HAAO: variants seen among roughly 807,000 people sequenced by gnomAD.
HAAO encodes the protein 3-hydroxyanthranilate oxygenase.
Under a neutral mutation model 46.2 loss-of-function variants are expected in HAAO, and 49 were observed. The ratio of observed to expected loss-of-function variants is 1.06; its 90% CI spans 0.84 to 1.34. The LOEUF is 1.34. Ranked by LOEUF, HAAO falls within the 40% of genes most tolerant of loss-of-function variation. HAAO has a pLI of 0.00. For synonymous variants in HAAO, 157 were observed against 145.2 expected (o/e 1.08, Z -0.58); for missense variants, 408 against 364.5 (o/e 1.12, Z -0.97).
Position 42,769,699 on chromosome 2 carries a change from C to T in HAAO, c.630+14G>A, listed in dbSNP as rs764062516. The T allele has an allele frequency of 4.4e-6, 7 of 1,597,332 alleles. No homozygotes were observed. Among genetic ancestry groups the T allele is most frequent in the South Asian group, 1.1e-5 (1 of 88,512 alleles). On this transcript the variant is annotated intron_variant, in intron 7 of 9. Transcript: ENST00000294973. ...CTGTGGGAGGATGCCCCGGATGCCC[C>T]AGGACTACATTACCTGGGTCTCATA...
intron 4 of HAAO, among the ~76,000 whole-genome samples, chr2:42,772,352 A>C (rs1238391807): frequency 1.3e-5 from 2 of 151,962 alleles, no homozygotes; most frequent in Non-Finnish European, 2.9e-5. Flanking sequence ...ATGGTGGTGC[A>C]TGTCTGTAAT....
chr2:42,777,246 T>C (rs1001612407), intron 4 of HAAO, among the ~76,000 whole-genome samples: 16 of 133,602 alleles, frequency 1.2e-4, no homozygotes, highest in African/African-American at 4.7e-4. Flanking sequence ...GAAGTCGCAG[T>C]GAGCCAAGAT....
At chr2:42,774,044 T>G (rs1490559614) in intron 4 of HAAO, among the ~76,000 whole-genome samples, 1 of 152,192 alleles carries the variant, frequency 6.6e-6, no homozygotes, top group Admixed American at 6.5e-5. Context: ...CTGCTTTGAG[T>G]CATCCTGCTT....
At position 42,767,272 on chromosome 2, in the gene HAAO, C is replaced by G. The variant is rs1207125432; in HGVS notation, c.*165G>C. The G allele has an allele frequency of 2.8e-5, 18 of 641,684 alleles. No individual in the cohort carries two copies. In the Admixed American group the frequency reaches 3.6e-4, roughly 13 times the overall value. 39.7% of individuals were successfully genotyped at this position (641,684 alleles called of 1,614,324 possible). On this transcript the variant is annotated 3_prime_UTR_variant, in exon 10 of 10. Transcript: ENST00000294973. ...TGCTGCCCGCCCAGGGGCATGGCAT[C>G]TGGGCTGAGAAGGGCAGGAGGGTGG... is the stretch of plus-strand genomic sequence containing the variant.
At position 42,770,571 on chromosome 2, in the gene HAAO, C is replaced by T. The variant is rs1443470051; in HGVS notation, c.362G>A (p.Gly121Asp). The change falls in exon 5 of 10, where the codon GGC (glycine) becomes GAC (aspartate). Residue 121 changes from glycine to aspartate, a missense_variant. Transcript: ENST00000294973. ...TELDGLRYYVGDTMDVLFEKW... is the reference protein window; with the variant it reads ...TELDGLRYYVDDTMDVLFEKW... Reference sequence around the variant, plus strand: ...CTCAAACAGAACGTCCATGGTGTCGCCCACATAGTACCTGCCAGAGCAGAG... The same window carrying T: ...CTCAAACAGAACGTCCATGGTGTCGTCCACATAGTACCTGCCAGAGCAGAG... The T allele has an allele frequency of 1.3e-6, 2 of 1,551,086 alleles. No homozygotes were observed. Among genetic ancestry groups the T allele is most frequent in the Admixed American group, 2.0e-5 (1 of 51,062 alleles).
intron 2 of HAAO, among the ~76,000 whole-genome samples, chr2:42,784,537 C>CGG (rs57368038): frequency 4.8e-5 from 3 of 62,056 alleles, no homozygotes; most frequent in East Asian, 1.7e-3. Flanking sequence ...GTGGGGGGGG[C>CGG]GGGGGGGGGG....
intron 4 of HAAO, among the ~76,000 whole-genome samples, chr2:42,777,321 A>G (rs1371738692): frequency 1.1e-4 from 16 of 149,838 alleles, no homozygotes; most frequent in East Asian, 1.9e-4. Context: ...AAAAAAAAAA[A>G]AAGAAGAAAG....
chr2:42,782,544 T>A (rs933290589), intron 4 of HAAO, among the ~76,000 whole-genome samples: 2 of 152,180 alleles, frequency 1.3e-5, no homozygotes, highest in African/African-American at 4.8e-5. Context: ...TCCAAAAGAT[T>A]TTAAAAAAGA....
chr2:42,786,820 G>A (rs531609588), intron 2 of HAAO, among the ~76,000 whole-genome samples: 1 of 152,320 alleles, frequency 6.6e-6, no homozygotes, highest in Non-Finnish European at 1.5e-5. Context: ...AGCTCAGTGA[G>A]GAGGAAAGTG....
chr2:42,767,350 T>C lies in HAAO; in HGVS notation c.*87A>G. ...GACACAGCGGCAGTACACAGAGAGG[T>C]AGTGGGGGCTGGGAGAGTTGTTTGG... On this transcript the variant is annotated 3_prime_UTR_variant, in exon 10 of 10. Transcript: ENST00000294973. 1.2e-6 allele frequency: 1 copy of C among 854,216 alleles called. No homozygotes were observed. The highest frequency in any genetic ancestry group is 1.7e-5 in the African/African-American group (1 of 60,376). 52.9% of individuals were successfully genotyped at this position (854,216 alleles called of 1,614,324 possible).
chr2:42,771,551 G>T (rs1671118701), intron 4 of HAAO, among the ~76,000 whole-genome samples: 1 of 152,088 alleles, frequency 6.6e-6, no homozygotes, highest in African/African-American at 2.4e-5. Context: ...CAAAGTTTTG[G>T]ACCTCTTTTC....
chr2:42,784,309 T>C (rs1419537822), intron 2 of HAAO, among the ~76,000 whole-genome samples: 2 of 151,892 alleles, frequency 1.3e-5, no homozygotes, highest in Non-Finnish European at 2.9e-5. Context: ...AAAACAAGGC[T>C]CAGAGGGTAA....
intron 2 of HAAO, among the ~76,000 whole-genome samples, chr2:42,784,789 A>G (rs1672271736): frequency 6.6e-6 from 1 of 152,214 alleles, no homozygotes; most frequent in Non-Finnish European, 1.5e-5. Context: ...CTAGGCACAA[A>G]TAGTCACCAC....
chr2:42,786,079 C>T (rs1320603037), intron 2 of HAAO, among the ~76,000 whole-genome samples: 2 of 134,660 alleles, frequency 1.5e-5, no homozygotes, highest in Non-Finnish European at 3.1e-5. Flanking sequence ...GTCTAGGGAC[C>T]TTTCACAGTG....
At position 42,769,745 on chromosome 2, in the gene HAAO, G is replaced by T; in HGVS notation, c.598C>A (p.Leu200Ile). ...TCATAGGTGTCCCCAAACAGGCTGA[G>T]TGGTGTGCCTGCCTGCAGCTCCCTG... Reference protein sequence around the residue: ...HHRELQAGTPLSLFGDTYETQ... With the variant: ...HHRELQAGTPISLFGDTYETQ... The change falls in exon 7 of 10, where the codon CTC (leucine) becomes ATC (isoleucine). Residue 200 changes from leucine (L) to isoleucine (I), a missense_variant. By Grantham distance (5) the Leu-to-Ile change is conservative. Coordinates refer to ENST00000294973, the MANE Select transcript of HAAO (RefSeq NM_012205.3). The T allele has an allele frequency of 6.2e-7, 1 of 1,613,740 alleles. No homozygotes were observed. The highest frequency in any genetic ancestry group is 8.5e-7 in the Non-Finnish European group (1 of 1,179,830).
At position 42,767,493 on chromosome 2, in the gene HAAO, C is replaced by T. The variant is rs1670751735; in HGVS notation, c.805G>A (p.Gly269Ser). The T allele has an allele frequency of 2.5e-6, 4 of 1,612,796 alleles. No homozygotes were observed. The highest frequency in any genetic ancestry group is 1.7e-5 in the Admixed American group (1 of 59,844). Residue 269 changes from glycine to serine, a missense_variant, in exon 10 of 10, where the codon GGC (glycine) becomes AGC (serine). Physicochemically the swap from Gly to Ser is moderately conservative, Grantham distance 56. Coordinates refer to ENST00000294973, the MANE Select transcript of HAAO (RefSeq NM_012205.3). The stretch of plus-strand genomic sequence containing the variant: ...TGGGTCACAGACAGGGCCACAGAGC[C>T]TTGTGTTCGCTCCCAGGCATACCTG... ...GTSYAWERTQGSVALSVTQDP... is the reference protein window; with the variant it reads ...GTSYAWERTQSSVALSVTQDP...
At position 42,790,500 on chromosome 2, in the gene HAAO, G is replaced by T. The variant is rs544401514; in HGVS notation, c.81-1893C>A. 4.7e-5 allele frequency among the ~76,000 whole-genome samples: 7 copies of T among 148,420 alleles called. No individual in the cohort carries two copies. In the South Asian group the frequency reaches 1.3e-3, roughly 28 times the overall value. On this transcript the variant is annotated intron_variant, in intron 1 of 9. Coordinates refer to ENST00000294973, the MANE Select transcript of HAAO (RefSeq NM_012205.3). ...GGACCAGCCATGGAGTCTGGTCTTG[G>T]CCTAAGGGGTGCTGGGGAACCTGGA... is the stretch of plus-strand genomic sequence containing the variant.
chr2:42,782,869 G>T (rs556827675), intron 4 of HAAO: 2 of 460,608 alleles, frequency 4.3e-6, no homozygotes, highest in African/African-American at 2.0e-5. Context: ...TATATTGATC[G>T]GTGTCTCATG....
chr2:42,776,088 T>G (rs1300392523), intron 4 of HAAO, among the ~76,000 whole-genome samples: 2 of 151,992 alleles, frequency 1.3e-5, no homozygotes, highest in Non-Finnish European at 2.9e-5. Context: ...TCTCCCTTTT[T>G]GGAGACCCAG....
Sources: allele counts gnomAD v4.1 joint callset (sites outside exome capture counted in the v4.1 genomes callset), GRCh38; gene constraint gnomAD v4.1.1; transcripts MANE v1.5; gene names NCBI Gene and HGNC (gene_info 2026-07-23, HGNC 2026-07-21).